TNC: variants seen among roughly 807,000 people sequenced by gnomAD.
TNC encodes tenascin C, also known as tenascin.
TNC carries 109 observed loss-of-function variants against 202.4 expected under a neutral mutation model. The ratio of observed to expected loss-of-function variants is 0.54; its 90% CI spans 0.46 to 0.63. The LOEUF is 0.63. Among genes scored for constraint, TNC ranks in the 30% least tolerant of loss-of-function variants. TNC has a pLI of 0.00. For synonymous variants in TNC, 1,007 were observed against 1,089.7 expected, an observed-to-expected ratio of 0.92 and a Z score of 1.50; for missense variants, 2,756 against 2,833.3, an observed-to-expected ratio of 0.97 and a Z score of 0.62.
chr9:115,059,096 C>T (rs1832348094), intron 14 of TNC, among the ~76,000 whole-genome samples: 1 of 152,150 alleles, frequency 6.6e-6, no homozygotes, highest in East Asian at 1.9e-4. Flanking sequence ...CTCTTTGGTA[C>T]AGTCTCCAGT....
intron 1 of TNC, chr9:115,114,972 A>G (rs1320461940): frequency 6.6e-6 from 1 of 152,192 alleles, no homozygotes; most frequent in East Asian, 1.9e-4. Flanking sequence ...AAGGACATAT[A>G]TTTCGAGCCA....
At chr9:115,083,575 C>T (rs1379993692) in intron 4 of TNC, among the ~76,000 whole-genome samples, 1 of 150,302 alleles carries the variant, frequency 6.7e-6, no homozygotes, top group African/African-American at 2.5e-5. Flanking sequence ...CTATTTCATA[C>T]ATATACTAAC....
At chr9:115,058,501 G>A (rs1245932931) in intron 14 of TNC, among the ~76,000 whole-genome samples, 1 of 152,202 alleles carries the variant, frequency 6.6e-6, no homozygotes, top group Non-Finnish European at 1.5e-5. Context: ...TTGCCTTCTG[G>A]GAAGGGATGG....
intron 15 of TNC, 129 bp downstream of exon 15, chr9:115,057,024 C>A: frequency 8.7e-7 from 1 of 1,147,024 alleles, no homozygotes; most frequent in Non-Finnish European, 1.2e-6. Flanking sequence ...AAACAGCACC[C>A]CAGCCTAGCA....
chr9:115,077,101 C>T (rs1203566396), intron 7 of TNC, among the ~76,000 whole-genome samples: 1 of 152,090 alleles, frequency 6.6e-6, no homozygotes, highest in Non-Finnish European at 1.5e-5. Context: ...CGCTCTTCAC[C>T]CAGGTTGGAA....
At chr9:115,064,983 T>C in intron 10 of TNC, 64 bp from the exon 11 acceptor site, 1 of 1,559,066 alleles carries the variant, frequency 6.4e-7, no homozygotes, top group Admixed American at 1.7e-5. Flanking sequence ...TCTGAGAACC[T>C]GGGAATGGCA....
At chr9:115,052,602 A>G (rs1475733979) in intron 15 of TNC, 2 of 591,268 alleles carry the variant, frequency 3.4e-6, no homozygotes, top group African/African-American at 3.7e-5. Context: ...CCATAAATAT[A>G]TACAATTACT....
Position 115,020,483 on chromosome 9 carries a change from G to A in TNC, c.*674C>T, listed in dbSNP as rs1357778541. On this transcript the variant is annotated 3_prime_UTR_variant, in exon 28 of 28. Transcript: ENST00000350763. ...CCAACATTCCCCGCTTTGTTCAAAT[G>A]ATTGGCTTTGGTGAAATTCAGACTC... The A allele has an allele frequency of 5.1e-6, 1 of 197,086 alleles. No homozygotes were observed. The highest frequency in any genetic ancestry group is 2.4e-5 in the African/African-American group (1 of 42,318). The allele number at this position is 197,086 out of a possible 1,614,324, so 12.2% of individuals were successfully genotyped here.
chr9:115,043,613 T>C (rs1217120213), intron 17 of TNC, among the ~76,000 whole-genome samples: 2 of 152,204 alleles, frequency 1.3e-5, no homozygotes, highest in Non-Finnish European at 1.5e-5. Context: ...TGGCATGCAG[T>C]GAGAATTCAG....
rs1238441540 is a variant in TNC at position 115,020,230 on chromosome 9, T to C, written c.*927A>G. On this transcript the variant is annotated 3_prime_UTR_variant, in exon 28 of 28. Transcript: ENST00000350763. ...TAATTAAATTTTTTTTTTTTTTTTT[T>C]TCTGTAGAGACAAGTTCTCACTATG... 6.6e-6 allele frequency: 1 copy of C among 150,750 alleles called. No individual in the cohort carries two copies. The highest frequency in any genetic ancestry group is 2.4e-5 in the African/African-American group (1 of 40,992). The allele number at this position is 150,750 out of a possible 1,614,324, so 9.3% of individuals were successfully genotyped here.
At position 115,059,811 on chromosome 9, in the gene TNC, C is replaced by A. The variant is rs962583489; in HGVS notation, c.4225G>T (p.Ala1409Ser). 1.2e-6 allele frequency: 2 copies of A among 1,614,042 alleles called. No homozygotes were observed. The highest frequency in any genetic ancestry group is 1.3e-5 in the African/African-American group (1 of 75,018). The change falls in exon 14 of 28, where the codon GCT becomes TCT. Residue 1409 changes from alanine to serine, a missense_variant. Physicochemically the swap from Ala to Ser is moderately conservative, Grantham distance 99. Around this residue, in one of 2 missense-constraint regions of TNC, gnomAD observed 2,559 missense variants for 2,546.0 expected, o/e 1.01. Coordinates refer to ENST00000350763, the MANE Select transcript of TNC (RefSeq NM_002160.4). Reference sequence around the variant, plus strand: ...ATGGAGACTCTATAAGGCGTGGCAGCCTCGAGGCCCGGGATGTCCACAGCC... The same window carrying A: ...ATGGAGACTCTATAAGGCGTGGCAGACTCGAGGCCCGGGATGTCCACAGCC... ...LRAVDIPGLE[A>S]ATPYRVSIYG... is the part of the protein sequence containing the mutation.
intron 18 of TNC, 145 bp from the exon 19 acceptor site, chr9:115,041,229 C>T (rs1390022063): frequency 2.0e-5 from 19 of 965,096 alleles, no homozygotes; most frequent in Non-Finnish European, 2.3e-5. Context: ...TTGCTCCTAC[C>T]CTCTGGCATA....
In TNC at chr9:115,076,528, T is replaced by C; in HGVS notation, c.2722A>G (p.Ser908Gly). ...CCATTCCTCCATTCCAGGGTGATGC[T>C]GTTATCTGTCTGGGAAACACGTCGA... ...NLRRVSQTDN[S>G]ITLEWRNGKA... The change falls in exon 8 of 28, where the codon AGC becomes GGC. Residue 908 changes from serine to glycine, a missense_variant. Physicochemically the swap from Ser to Gly is moderately conservative, Grantham distance 56 (BLOSUM62 0). Coordinates refer to ENST00000350763, the MANE Select transcript of TNC (RefSeq NM_002160.4). 1.9e-6 allele frequency: 3 copies of C among 1,614,252 alleles called. No homozygotes were observed. Among genetic ancestry groups the C allele is most frequent in the Non-Finnish European group, 2.5e-6 (3 of 1,180,050 alleles).
chr9:115,039,633 CA>C (rs775461554), intron 19 of TNC, among the ~76,000 whole-genome samples: 1 of 152,242 alleles, frequency 6.6e-6, no homozygotes, highest in African/African-American at 2.4e-5. Context: ...AAGCTATCCT[CA>C]GCTCATTTCA....
At chr9:115,058,976 G>A (rs1261231224) in intron 14 of TNC, among the ~76,000 whole-genome samples, 1 of 152,206 alleles carries the variant, frequency 6.6e-6, no homozygotes, top group Non-Finnish European at 1.5e-5. Flanking sequence ...ACTCCAGAGA[G>A]AAACTCTTGA....
At chr9:115,084,870 T>C (rs569656828) in intron 3 of TNC, among the ~76,000 whole-genome samples, 1 of 152,292 alleles carries the variant, frequency 6.6e-6, no homozygotes, top group East Asian at 1.9e-4. Flanking sequence ...TCCAACTTTC[T>C]TATATTATAG....
intron 9 of TNC, among the ~76,000 whole-genome samples, chr9:115,075,294 A>G (rs1334846522): frequency 6.6e-6 from 1 of 152,164 alleles, no homozygotes; most frequent in South Asian, 2.1e-4. Flanking sequence ...AGGATACAAC[A>G]GGTAAGTGCA....
intron 1 of TNC, among the ~76,000 whole-genome samples, chr9:115,091,369 A>G (rs1437359627): frequency 6.6e-6 from 1 of 152,236 alleles, no homozygotes; most frequent in Admixed American, 6.5e-5. Context: ...CTGTAAATTT[A>G]AGGAGACAGA....
chr9:115,039,179 G>A (rs1323514088), intron 19 of TNC, among the ~76,000 whole-genome samples: 2 of 152,174 alleles, frequency 1.3e-5, no homozygotes, highest in African/African-American at 2.4e-5. Context: ...ATGGCTTGCA[G>A]AGAACATAAA....
Sources: allele counts gnomAD v4.1 joint callset (sites outside exome capture counted in the v4.1 genomes callset), GRCh38; gene constraint gnomAD v4.1.1; regional missense constraint gnomAD v4.1.1; transcripts MANE v1.5; gene names NCBI Gene and HGNC (gene_info 2026-07-23, HGNC 2026-07-21).